SELENOV: variants seen among roughly 807,000 people sequenced by gnomAD.
SELENOV encodes the protein selenoprotein V.
SELENOV carries 25 observed loss-of-function variants against 21.6 expected under a neutral mutation model. The observed-to-expected ratio is 1.16, with a 90% CI of 0.84 to 1.62. The LOEUF (loss-of-function observed/expected upper bound fraction) is 1.62. Among genes scored for constraint, SELENOV ranks in the 40% most tolerant of loss-of-function variants. The probability of loss-of-function intolerance (pLI) is 0.00; values close to 1 mark genes in which losing one functional copy is unlikely to be tolerated. For synonymous variants in SELENOV, 227 were observed against 216.9 expected, an observed-to-expected ratio of 1.05 and a Z score of -0.41; for missense variants, 472 against 459.0, an observed-to-expected ratio of 1.03 and a Z score of -0.26.
intron 3 of SELENOV, 24 bp downstream of exon 3, chr19:39,518,817 G>C: frequency 6.2e-7 from 1 of 1,613,614 alleles, no homozygotes; most frequent in Non-Finnish European, 8.5e-7. Context: ...GGTCCTGGGG[G>C]AGAGGGGGGT....
intron 5 of SELENOV, among the ~76,000 whole-genome samples, chr19:39,519,798 T>C (rs1365179903): frequency 6.6e-6 from 1 of 151,626 alleles, no homozygotes; most frequent in Non-Finnish European, 1.5e-5. Flanking sequence ...ACCTTGTCTG[T>C]ACTAAAAATA....
chr19:39,516,552 A>G (rs1206915287), intron 1 of SELENOV, among the ~76,000 whole-genome samples: 3 of 152,034 alleles, frequency 2.0e-5, no homozygotes, highest in African/African-American at 7.3e-5. Flanking sequence ...TGTTTCGGAC[A>G]GGTCTTGCTT....
chr19:39,519,887 C>A (rs2079719810), intron 5 of SELENOV, among the ~76,000 whole-genome samples: 2 of 146,674 alleles, frequency 1.4e-5, no homozygotes, highest in South Asian at 4.3e-4. Flanking sequence ...ATGGCGTGAA[C>A]CTGAGAGGCG....
At chr19:39,518,701 C>G (rs544765241) in intron 2 of SELENOV, 39 bp from the exon 3 acceptor site, 1 of 1,613,146 alleles carries the variant, frequency 6.2e-7, no homozygotes, top group South Asian at 1.1e-5. Flanking sequence ...CCCTGTTTCC[C>G]CTCCCCTGCA....
At position 39,515,791 on chromosome 19, in the gene SELENOV, C is replaced by T. The variant is rs1358550277; in HGVS notation, c.579C>T (p.Pro193=). The change falls in exon 1 of 6, where the codon CCC becomes CCT. Residue 193 remains proline (P), a synonymous_variant. Coordinates refer to ENST00000335426, the Ensembl canonical transcript of SELENOV. The surrounding 1 kb of genome is among the most constrained non-coding windows in gnomAD (Gnocchi z 5.1). Reference sequence around the variant, plus strand: ...CCGGGCCCGCCCCGGGGCCCCTTCCCACGCGCACCCCGCTGGCCGCGAACT... The same window carrying T: ...CCGGGCCCGCCCCGGGGCCCCTTCCTACGCGCACCCCGCTGGCCGCGAACT... 4 of 1,549,580 alleles carry T rather than the reference C, an allele frequency of 2.6e-6. No homozygotes were observed. Among genetic ancestry groups the T allele is most frequent in the Non-Finnish European group, 3.5e-6 (4 of 1,146,338 alleles).
chr19:39,516,652 T>G (rs988781594), intron 1 of SELENOV, among the ~76,000 whole-genome samples: 1 of 151,188 alleles, frequency 6.6e-6, no homozygotes, highest in African/African-American at 2.4e-5. Flanking sequence ...CTCAGCCTCC[T>G]GAGTAGCTGG....
intron 5 of SELENOV, among the ~76,000 whole-genome samples, chr19:39,519,696 T>C (rs955866038): frequency 9.4e-5 from 14 of 148,868 alleles, no homozygotes; most frequent in Non-Finnish European, 1.8e-4. Context: ...CCGGGCGGGA[T>C]GGCTCACCCC....
At chr19:39,516,437 C>T (rs1216478897) in intron 1 of SELENOV, among the ~76,000 whole-genome samples, 1 of 152,020 alleles carries the variant, frequency 6.6e-6, no homozygotes, top group Non-Finnish European at 1.5e-5. Flanking sequence ...GTCTCTCTCT[C>T]TCTCTCTCAC....
Position 39,516,081 on chromosome 19 carries a change from G to A in SELENOV, c.809+60G>A, listed in dbSNP as rs73551877. 915 of 1,439,506 alleles carry A rather than the reference G, an allele frequency of 6.4e-4. 10 individuals carry two copies. In the African/African-American group the frequency reaches 0.012, roughly 19 times the overall value. 89.2% of individuals were successfully genotyped at this position (1,439,506 alleles called of 1,614,324 possible). A position where few individuals can be genotyped will look rare whatever the true frequency, so the allele number is the denominator to read the frequency against. On this transcript the variant is annotated intron_variant, in intron 1 of 5. Transcript: ENST00000335426. Reference sequence around the variant, plus strand: ...GGGACAGGGCCGGCAGTGGGGGCTGGGTCTCCGGGGACGTGGAGGTCAGGG... The same window carrying A: ...GGGACAGGGCCGGCAGTGGGGGCTGAGTCTCCGGGGACGTGGAGGTCAGGG...
At position 39,515,936 on chromosome 19, in the gene SELENOV, T is replaced by G; in HGVS notation, c.724T>G (p.Ser242Ala). 6.2e-7 allele frequency: 1 copy of G among 1,607,076 alleles called. No individual in the cohort carries two copies. The highest frequency in any genetic ancestry group is 1.1e-5 in the South Asian group (1 of 89,408). The change falls in exon 1 of 6, where the codon TCC becomes GCC. Residue 242 changes from serine (S) to alanine (A), a missense_variant. Transcript: ENST00000335426. The surrounding 1 kb of genome is among the most constrained non-coding windows in gnomAD (Gnocchi z 5.1). ...CCTGGGGACCATCCCGTCGGCCATC[T>G]CCTTACAGAATTGTACGGAAACCTT...
rs551814104 is a variant in SELENOV, at chr19:39,519,182, G to T, written c.*22+12G>T. 1 of 1,596,496 alleles carries T rather than the reference G, an allele frequency of 6.3e-7. No individual in the cohort carries two copies. The highest frequency in any genetic ancestry group is 8.6e-7 in the Non-Finnish European group (1 of 1,165,846). On this transcript the variant is annotated intron_variant, in intron 5 of 5. Transcript: ENST00000335426. ...GGGTGGAGCTGGAGGTGAGCGTGGA[G>T]CTCCCAAGGCTGCGGTGGGAGGGGT...
intron 5 of SELENOV, among the ~76,000 whole-genome samples, chr19:39,519,558 T>TGAAA (rs1157040156): frequency 1.3e-5 from 2 of 151,744 alleles, no homozygotes; most frequent in African/African-American, 4.8e-5. Flanking sequence ...CCCAGCCCTT[T>TGAAA]GAAAGCCTGA....
At chr19:39,518,659 G>T (rs1600765038) in intron 2 of SELENOV, 27 bp downstream of exon 2, 1 of 1,611,998 alleles carries the variant, frequency 6.2e-7, no homozygotes, top group East Asian at 2.2e-5. Context: ...TTGGAGGTAG[G>T]GGGAGCCTGA....
Position 39,515,830 on chromosome 19 carries a change from C to A in SELENOV, c.618C>A (p.Thr206=), listed in dbSNP as rs376006283. 1.3e-4 allele frequency: 205 copies of A among 1,551,102 alleles called. No homozygotes were observed. Among genetic ancestry groups the A allele is most frequent in the South Asian group, 7.7e-4 (65 of 84,080 alleles). ...TGGCCGCGAACTCACCCGGGCCCACCCTGGACTTCACCTTCAGGGCAGACC... is the reference window on the plus strand; with the variant it reads ...TGGCCGCGAACTCACCCGGGCCCACACTGGACTTCACCTTCAGGGCAGACC... Residue 206 remains threonine (T), a synonymous_variant, in exon 1 of 6, where the codon ACC becomes ACA. Transcript: ENST00000335426. The surrounding 1 kb of genome is among the most constrained non-coding windows in gnomAD (Gnocchi z 5.1).
chr19:39,515,825 C>A lies in SELENOV; in HGVS notation c.613C>A (p.Pro205Thr). The A allele has an allele frequency of 1.3e-6, 2 of 1,550,640 alleles. No individual in the cohort carries two copies. Among genetic ancestry groups the A allele is most frequent in the Non-Finnish European group, 1.7e-6 (2 of 1,146,948 alleles). ...CCCGCTGGCCGCGAACTCACCCGGG[C>A]CCACCCTGGACTTCACCTTCAGGGC... The change falls in exon 1 of 6, where the codon CCC (proline) becomes ACC (threonine). Residue 205 changes from proline to threonine, a missense_variant. Transcript: ENST00000335426. The surrounding 1 kb of genome is among the most constrained non-coding windows in gnomAD (Gnocchi z 5.1).
chr19:39,515,416 G>T lies in SELENOV; in HGVS notation c.204G>T (p.Gln68His). Residue 68 changes from glutamine to histidine, a missense_variant, in exon 1 of 6, where the codon CAG becomes CAT. Transcript: ENST00000335426. This position sits in a 1 kb window ranked among gnomAD's most constrained non-coding sequence, Gnocchi z 5.1. ...TGGTCCTGACTCCTGCTCCAGCCCA[G>T]ATTCCCACTCTGGTCCCCACTCCCG... is the stretch of plus-strand genomic sequence containing the variant. 1.3e-6 allele frequency: 2 copies of T among 1,551,512 alleles called. No individual in the cohort carries two copies. Among genetic ancestry groups the T allele is most frequent in the Non-Finnish European group, 1.7e-6 (2 of 1,146,940 alleles).
rs762315439 is a variant in SELENOV, at chr19:39,518,769, G to C, written c.864G>C (p.Gln288His). 5 of 1,613,874 alleles carry C rather than the reference G, an allele frequency of 3.1e-6. No homozygotes were observed. The Admixed American group carries it at 8.3e-5, about 27-fold the overall frequency. ...TTCTACTGAAAAAGAGCCTGGAGCA[G>C]CAATTTCCGAATCACCTACTCTTTG... The change falls in exon 3 of 6, where the codon CAG becomes CAC. Residue 288 changes from glutamine (Q) to histidine (H), a missense_variant. Transcript: ENST00000335426.
At chr19:39,516,939 C>T (rs963400057) in intron 1 of SELENOV, among the ~76,000 whole-genome samples, 1 of 152,102 alleles carries the variant, frequency 6.6e-6, no homozygotes, top group Non-Finnish European at 1.5e-5. Flanking sequence ...CCTCGTGATC[C>T]ACCCACCTTG....
At chr19:39,518,086 C>T (rs1482800060) in intron 1 of SELENOV, among the ~76,000 whole-genome samples, 1 of 148,056 alleles carries the variant, frequency 6.8e-6, no homozygotes, top group Non-Finnish European at 1.5e-5. Flanking sequence ...TCCTGGCCAA[C>T]ATGGTGAAAC....
Sources: allele counts gnomAD v4.1 joint callset (sites outside exome capture counted in the v4.1 genomes callset), GRCh38; gene constraint gnomAD v4.1.1; non-coding constraint Gnocchi (gnomAD v3.1); transcripts MANE v1.5; gene names NCBI Gene and HGNC (gene_info 2026-07-23, HGNC 2026-07-21).